Variants in SNTG1 observed in about 807,000 individuals in gnomAD.
SNTG1 encodes gamma-1-syntrophin.
A neutral mutation model predicts 74.7 loss-of-function variants in SNTG1; 39 were observed. That is an observed-to-expected ratio of 0.52 (90% CI 0.40 to 0.68). The LOEUF (loss-of-function observed/expected upper bound fraction) is 0.68. Ranked by LOEUF, SNTG1 falls within the 30% of genes least tolerant of loss-of-function variation. The pLI is 0.00. For missense variants in SNTG1, 685 were observed against 609.5 expected, an observed-to-expected ratio of 1.12 and a Z score of -1.30; for synonymous variants, 254 against 217.1, an observed-to-expected ratio of 1.17 and a Z score of -1.49.
chr8:50,386,480 A>C (rs1269527633), intron 2 of SNTG1, among the ~76,000 whole-genome samples: 2 of 151,528 alleles, frequency 1.3e-5, no homozygotes, highest in African/African-American at 4.8e-5. Flanking sequence ...GTAGGGTATC[A>C]GCGTCCTTCT....
At chr8:50,511,971 G>A (rs2094081399) in intron 9 of SNTG1, among the ~76,000 whole-genome samples, 1 of 152,036 alleles carries the variant, frequency 6.6e-6, no homozygotes, top group Non-Finnish European at 1.5e-5. Flanking sequence ...ATGTTAGCTG[G>A]TTATTTTGCT....
intron 13 of SNTG1, among the ~76,000 whole-genome samples, chr8:50,606,456 G>C (rs1384679391): frequency 1.3e-5 from 2 of 151,688 alleles, no homozygotes; most frequent in Non-Finnish European, 2.9e-5. Context: ...TATTGATTTA[G>C]TTTCCTGCAT....
intron 2 of SNTG1, among the ~76,000 whole-genome samples, chr8:50,221,551 A>AC: frequency 6.8e-6 from 1 of 148,056 alleles, no homozygotes; most frequent in African/African-American, 2.5e-5. Context: ...ACACACACAC[A>AC]AGACTGACAG....
chr8:50,750,487 G>T (rs1309110484), intron 17 of SNTG1, among the ~76,000 whole-genome samples: 1 of 151,932 alleles, frequency 6.6e-6, no homozygotes, highest in Non-Finnish European at 1.5e-5. Context: ...ATGCTATTCG[G>T]CTATATTGCA....
At chr8:50,531,768 C>T (rs1392248080) in intron 10 of SNTG1, among the ~76,000 whole-genome samples, 1 of 152,180 alleles carries the variant, frequency 6.6e-6, no homozygotes, top group Non-Finnish European at 1.5e-5. Flanking sequence ...CATCTCACCT[C>T]TGCTCCTAAG....
At chr8:50,045,740 T>A (rs1377148151) in intron 1 of SNTG1, among the ~76,000 whole-genome samples, 1 of 152,224 alleles carries the variant, frequency 6.6e-6, no homozygotes, top group Non-Finnish European at 1.5e-5. Flanking sequence ...TTTCTAACTT[T>A]CAAACTCTTC....
At chr8:50,258,760 A>C (rs2087006114) in intron 2 of SNTG1, among the ~76,000 whole-genome samples, 1 of 152,160 alleles carries the variant, frequency 6.6e-6, no homozygotes, top group African/African-American at 2.4e-5. Flanking sequence ...AAAAGAAGAA[A>C]GAAAATGAGC....
chr8:50,722,066 C>T (rs1301348386), intron 17 of SNTG1, among the ~76,000 whole-genome samples: 2 of 146,382 alleles, frequency 1.4e-5, no homozygotes, highest in African/African-American at 2.7e-5. Flanking sequence ...TTCAACATTT[C>T]ATCTTCAATT....
chr8:49,934,733 T>C (rs1346772052), intron 1 of SNTG1, among the ~76,000 whole-genome samples: 3 of 152,200 alleles, frequency 2.0e-5, no homozygotes, highest in Admixed American at 6.5e-5. Context: ...AGCAACATGT[T>C]TGTGTATGCA....
In SNTG1 at chr8:50,106,096, C is replaced by A. The variant is rs1169460538; in HGVS notation, c.-102-66465C>A. On this transcript the variant is annotated intron_variant, in intron 1 of 18. Transcript: ENST00000642720. ...TCTATTCGTACACTGCTATAAATAA[C>A]TACCTGGGACTGGTTAATCTATGAA... Among the ~76,000 whole-genome samples, 14 of 152,104 alleles carry A rather than the reference C, an allele frequency of 9.2e-5. No homozygotes were observed. In the East Asian group the frequency reaches 2.5e-3, roughly 27 times the overall value.
intron 1 of SNTG1, among the ~76,000 whole-genome samples, chr8:50,116,073 T>C (rs745892068): frequency 1.3e-5 from 2 of 152,170 alleles, no homozygotes; most frequent in South Asian, 2.1e-4. Context: ...AGATCTTTCA[T>C]ATGTCTTTCT....
intron 13 of SNTG1, among the ~76,000 whole-genome samples, chr8:50,632,923 AAACCTGTGTT>A (rs1216555943): frequency 4.0e-4 from 61 of 152,278 alleles, no homozygotes; most frequent in African/African-American, 1.3e-3. Flanking sequence ...CAGTACCTAT[AAACCTGTGTT>A]AAGCTAACAT....
chr8:50,653,420 A>T (rs1455437636), intron 13 of SNTG1, among the ~76,000 whole-genome samples: 2 of 152,092 alleles, frequency 1.3e-5, no homozygotes, highest in Admixed American at 6.6e-5. Context: ...TGATAGTGAG[A>T]TACTGTCTAA....
chr8:50,694,240 G>A (rs2095394833), intron 15 of SNTG1, among the ~76,000 whole-genome samples: 1 of 150,624 alleles, frequency 6.6e-6, no homozygotes. Flanking sequence ...AATAAAACCA[G>A]GGATTAAAAA....
chr8:50,601,302 T>C (rs1241298604), intron 13 of SNTG1, among the ~76,000 whole-genome samples: 4 of 151,864 alleles, frequency 2.6e-5, no homozygotes, highest in Non-Finnish European at 5.9e-5. Flanking sequence ...CTGCATCCCA[T>C]AGGTTTTATT....
intron 15 of SNTG1, among the ~76,000 whole-genome samples, chr8:50,675,398 C>T (rs2095305320): frequency 6.6e-6 from 1 of 151,930 alleles, no homozygotes; most frequent in African/African-American, 2.4e-5. Context: ...TGCATTGATC[C>T]CTTTATCATT....
intron 1 of SNTG1, among the ~76,000 whole-genome samples, chr8:50,060,666 C>A (rs949331645): frequency 5.9e-5 from 9 of 151,262 alleles, no homozygotes; most frequent in East Asian, 3.9e-4. Context: ...CACTATTAGG[C>A]CTTTCACTTG....
chr8:50,473,189 G>A (rs2093667189), intron 8 of SNTG1, among the ~76,000 whole-genome samples: 2 of 152,140 alleles, frequency 1.3e-5, no homozygotes, highest in South Asian at 2.1e-4. Flanking sequence ...ATGATAGTGA[G>A]TGAGTTCTCA....
intron 10 of SNTG1, among the ~76,000 whole-genome samples, chr8:50,535,353 T>A (rs76720907): frequency 6.6e-6 from 1 of 152,158 alleles, no homozygotes; most frequent in East Asian, 1.9e-4. Flanking sequence ...TGATCCCATG[T>A]CATATGCTGA....
Sources: gnomAD v4.1 joint callset for allele counts (sites outside exome capture counted in the v4.1 genomes callset) on GRCh38, gnomAD v4.1.1 for gene constraint, MANE v1.5 for transcripts, NCBI Gene and HGNC (gene_info 2026-07-23, HGNC 2026-07-21) for gene names.